Variants in FOXP2 observed in about 807,000 individuals in gnomAD.
FOXP2 encodes forkhead box P2, also known as forkhead box protein P2.
FOXP2 carries 12 observed loss-of-function variants against 115.8 expected under a neutral mutation model. The observed-to-expected ratio is 0.10, with a 90% CI of 0.07 to 0.17. FOXP2 has a LOEUF of 0.17. FOXP2 is among the 10% of genes least tolerant of loss of function. The pLI is 1.00. For missense variants in FOXP2, 629 were observed against 843.5 expected (o/e 0.75, Z 3.15); for synonymous variants, 328 against 297.7 (o/e 1.10, Z -1.05).
chr7:114,487,769 A>G (rs1032021524), intron 2 of FOXP2, among the ~76,000 whole-genome samples: 2 of 152,084 alleles, frequency 1.3e-5, no homozygotes, highest in African/African-American at 2.4e-5. Context: ...CAAATTCCTC[A>G]TCTCCATCTG....
intron 1 of FOXP2, among the ~76,000 whole-genome samples, chr7:114,105,543 T>A (rs1791087972): frequency 6.6e-6 from 1 of 152,040 alleles, no homozygotes; most frequent in Admixed American, 6.6e-5. Flanking sequence ...TTCATGGACC[T>A]CCCAACTAGC....
At chr7:114,546,345 A>G (rs1455421071) in intron 3 of FOXP2, among the ~76,000 whole-genome samples, 1 of 152,230 alleles carries the variant, frequency 6.6e-6, no homozygotes, top group Admixed American at 6.5e-5. Flanking sequence ...CAACCCCAGC[A>G]TGTCACAAAA....
intron 1 of FOXP2, among the ~76,000 whole-genome samples, chr7:114,210,928 C>A (rs1174252326): frequency 6.6e-6 from 1 of 152,048 alleles, no homozygotes; most frequent in Non-Finnish European, 1.5e-5. Context: ...CACGTTCTGG[C>A]AAAACAGTTG....
intron 8 of FOXP2, among the ~76,000 whole-genome samples, chr7:114,651,958 T>C (rs967972853): frequency 3.3e-5 from 5 of 152,206 alleles, no homozygotes; most frequent in African/African-American, 1.2e-4. Context: ...GGAAATATTT[T>C]TTGTAATAAC....
chr7:114,294,948 TA>T (rs1796706406), intron 2 of FOXP2, among the ~76,000 whole-genome samples: 1 of 152,016 alleles, frequency 6.6e-6, no homozygotes, highest in Admixed American at 6.6e-5. Context: ...AAATTCTCAT[TA>T]AACCATAATT....
At chr7:114,191,310 TAGA>T (rs1793754763) in intron 1 of FOXP2, among the ~76,000 whole-genome samples, 1 of 152,256 alleles carries the variant, frequency 6.6e-6, no homozygotes, top group South Asian at 2.1e-4. Flanking sequence ...TAGTTAGATA[TAGA>T]AGGAGAGAAA....
intron 2 of FOXP2, among the ~76,000 whole-genome samples, chr7:114,354,833 A>G (rs893547999): frequency 5.3e-5 from 8 of 152,208 alleles, no homozygotes; most frequent in Non-Finnish European, 1.0e-4. Flanking sequence ...AGTTTTTAAA[A>G]TATGAGATAT....
chr7:114,298,878 A>G (rs189661345), intron 2 of FOXP2, among the ~76,000 whole-genome samples: 1 of 152,300 alleles, frequency 6.6e-6, no homozygotes, highest in African/African-American at 2.4e-5. Flanking sequence ...AATGTATTTT[A>G]AATAAGTCAC....
chr7:114,202,178 G>A (rs1040936033), intron 1 of FOXP2, among the ~76,000 whole-genome samples: 1 of 151,704 alleles, frequency 6.6e-6, no homozygotes, highest in African/African-American at 2.4e-5. Context: ...TTTTTATTTG[G>A]AAATTAAGCG....
chr7:114,255,417 C>T (rs1443709324), intron 1 of FOXP2, among the ~76,000 whole-genome samples: 1 of 152,194 alleles, frequency 6.6e-6, no homozygotes, highest in African/African-American at 2.4e-5. Context: ...GGCAGGCCTC[C>T]TTCAGCTGCA....
intron 2 of FOXP2, among the ~76,000 whole-genome samples, chr7:114,440,927 G>T (rs1794570945): frequency 6.6e-6 from 1 of 152,082 alleles, no homozygotes; most frequent in African/African-American, 2.4e-5. Context: ...AATGGATGAA[G>T]AAATTTCTAT....
At chr7:114,445,332 T>G (rs1207944971) in intron 2 of FOXP2, among the ~76,000 whole-genome samples, 2 of 152,188 alleles carry the variant, frequency 1.3e-5, no homozygotes, top group Non-Finnish European at 2.9e-5. Context: ...ACAAGAGATT[T>G]GCTGTAGGTG....
chr7:114,372,944 G>T (rs1206355779), intron 2 of FOXP2, among the ~76,000 whole-genome samples: 1 of 151,638 alleles, frequency 6.6e-6, no homozygotes, highest in Admixed American at 6.6e-5. Context: ...GTCATTTAAG[G>T]ATTTATCTGT....
chr7:114,135,822 T>A lies in FOXP2; in HGVS notation c.-246-27122T>A, dbSNP rs1479038572. ...CATGGATTTGCTGTGCCATTCCCCA[T>A]GTAATATTTGTAAAGCAAATGTGAA... On this transcript the variant is annotated intron_variant, in intron 1 of 19. Transcript: ENST00000635638. Among the ~76,000 whole-genome samples the A allele has an allele frequency of 2.6e-5, 4 of 152,126 alleles. No homozygotes were observed. In the East Asian group the frequency reaches 5.8e-4, roughly 22 times the overall value.
chr7:114,489,488 C>G (rs909060736), intron 2 of FOXP2, among the ~76,000 whole-genome samples: 2 of 151,918 alleles, frequency 1.3e-5, no homozygotes, highest in African/African-American at 4.8e-5. Flanking sequence ...TGTCTCTAGT[C>G]CTTTTCTCTT....
chr7:114,590,704 T>C (rs1299882038), intron 3 of FOXP2, among the ~76,000 whole-genome samples: 1 of 152,050 alleles, frequency 6.6e-6, no homozygotes, highest in Non-Finnish European at 1.5e-5. Flanking sequence ...AATAATATAT[T>C]GTAAGGGCTA....
chr7:114,322,196 C>A (rs1797441664), intron 2 of FOXP2, among the ~76,000 whole-genome samples: 1 of 151,636 alleles, frequency 6.6e-6, no homozygotes, highest in Non-Finnish European at 1.5e-5. Context: ...CTAATATTTT[C>A]TTTTGTAGTG....
chr7:114,342,248 A>C (rs1352957662), intron 2 of FOXP2, among the ~76,000 whole-genome samples: 2 of 151,358 alleles, frequency 1.3e-5, no homozygotes, highest in African/African-American at 2.4e-5. Flanking sequence ...TTAAATGTAA[A>C]TTATTATATA....
intron 2 of FOXP2, among the ~76,000 whole-genome samples, chr7:114,317,699 C>T (rs1164183869): frequency 6.6e-6 from 1 of 152,096 alleles, no homozygotes; most frequent in Non-Finnish European, 1.5e-5. Flanking sequence ...TAAAACCCTC[C>T]ATCCCCTCCC....
Sources: gnomAD v4.1 joint callset for allele counts (sites outside exome capture counted in the v4.1 genomes callset) on GRCh38, gnomAD v4.1.1 for gene constraint, MANE v1.5 for transcripts, NCBI Gene and HGNC (gene_info 2026-07-23, HGNC 2026-07-21) for gene names.